KCNC1: variants seen among roughly 807,000 people sequenced by gnomAD.
The protein encoded by KCNC1 is potassium voltage-gated channel subfamily C member 1.
KCNC1 carries 8 observed loss-of-function variants against 43.4 expected under a neutral mutation model. The observed-to-expected ratio is 0.18, with a 90% CI of 0.11 to 0.33. The LOEUF (loss-of-function observed/expected upper bound fraction) is 0.33, where lower values mean the gene tolerates loss of function less well. Ranked by LOEUF, KCNC1 falls within the 10% of genes least tolerant of loss-of-function variation. KCNC1 has a pLI of 1.00. For missense variants in KCNC1, 420 were observed against 836.0 expected (o/e 0.50, Z 6.14); for synonymous variants, 361 against 360.5 (o/e 1.00, Z -0.01).
Position 17,779,743 on chromosome 11 carries a change from C to T in KCNC1, c.1693+99C>T. ...GCGGGCAAGGGCGCTGAGGGGCAGG[C>T]AGGCACACCGAGGGGGGCAAGGATG... On this transcript the variant is annotated intron_variant, in intron 3 of 3. Coordinates refer to ENST00000265969, the MANE Select transcript of KCNC1 (RefSeq NM_001112741.2). This position sits in a 1 kb window ranked among gnomAD's most constrained non-coding sequence, Gnocchi z 7.2. 4 of 987,716 alleles carry T rather than the reference C, an allele frequency of 4.0e-6. No individual in the cohort carries two copies. Among genetic ancestry groups the T allele is most frequent in the Non-Finnish European group, 5.6e-6 (4 of 717,462 alleles). The allele number at this position is 987,716 out of a possible 1,614,324, so 61.2% of individuals were successfully genotyped here.
chr11:17,745,534 G>A (rs1355915598), intron 1 of KCNC1, among the ~76,000 whole-genome samples: 4 of 152,102 alleles, frequency 2.6e-5, no homozygotes, highest in Non-Finnish European at 5.9e-5. Flanking sequence ...AGCCAGGGCC[G>A]GCCTGGCAAA....
chr11:17,768,737 T>C (rs1441419439), intron 1 of KCNC1, among the ~76,000 whole-genome samples: 1 of 151,980 alleles, frequency 6.6e-6, no homozygotes, highest in East Asian at 1.9e-4. Flanking sequence ...TTGGCACCGT[T>C]CGGTCATCCA....
intron 2 of KCNC1, chr11:17,775,515 G>A (rs967822896): frequency 2.4e-5 from 24 of 985,372 alleles, no homozygotes; most frequent in African/African-American, 1.6e-4. Flanking sequence ...CTAGGAGGGC[G>A]CCCTGGCACA....
At position 17,771,783 on chromosome 11, in the gene KCNC1, G is replaced by T; in HGVS notation, c.689G>T (p.Gly230Val). 6.2e-7 allele frequency: 1 copy of T among 1,614,254 alleles called. No individual in the cohort carries two copies. ...ACGGAGATCGAGAACGTTCGCAATG[G>T]CACGCAAGTGCGCTACTACCGGGAG... is the stretch of plus-strand genomic sequence containing the variant. Reference protein sequence around the residue: ...NKTEIENVRNGTQVRYYREAE... With the variant: ...NKTEIENVRNVTQVRYYREAE... Residue 230 changes from glycine to valine, a missense_variant, in exon 2 of 4, where the codon GGC becomes GTC. Coordinates refer to ENST00000265969, the MANE Select transcript of KCNC1 (RefSeq NM_001112741.2). The surrounding 1 kb of genome is among the most constrained non-coding windows in gnomAD (Gnocchi z 4.7).
intron 2 of KCNC1, 62 bp downstream of exon 2, chr11:17,772,660 T>A (rs1012827851): frequency 1.9e-6 from 3 of 1,575,620 alleles, no homozygotes; most frequent in East Asian, 2.2e-5. Flanking sequence ...GTAGCGATGA[T>A]TCCAGATCCA....
At position 17,767,133 on chromosome 11, in the gene KCNC1, A is replaced by T. The variant is rs1423155932; in HGVS notation, c.571-4532A>T. On this transcript the variant is annotated intron_variant, in intron 1 of 3. Transcript: ENST00000265969. ...AGCAACAGAACGAGACTCTGTCTTA[A>T]AAAAAAAAAAAAATTAGCCGGCTGT... Among the ~76,000 whole-genome samples, 6 of 14,586 alleles carry T rather than the reference A, an allele frequency of 4.1e-4. No individual in the cohort carries two copies. The East Asian group carries it at 0.43, about 1,042-fold the overall frequency. 9.6% of individuals were successfully genotyped at this position (14,586 alleles called of 152,430 possible). A position where few individuals can be genotyped will look rare whatever the true frequency, so the allele number is the denominator to read the frequency against.
At chr11:17,741,446 C>T (rs2133779460) in intron 1 of KCNC1, among the ~76,000 whole-genome samples, 1 of 152,168 alleles carries the variant, frequency 6.6e-6, no homozygotes, top group Non-Finnish European at 1.5e-5. Flanking sequence ...ATTATCATTT[C>T]CCCTCCTGTA....
chr11:17,758,470 C>A (rs1849044336), intron 1 of KCNC1, among the ~76,000 whole-genome samples: 1 of 152,210 alleles, frequency 6.6e-6, no homozygotes. Flanking sequence ...ATGGTAAATT[C>A]TTTCCAGAAG....
At position 17,742,139 on chromosome 11, in the gene KCNC1, G is replaced by C. The variant is rs376582813; in HGVS notation, c.570+5567G>C. Reference sequence around the variant, plus strand: ...GCTCTACCTGAGGCCCCTCGTGAGCGGGTTAGCTGAGGGCTGGCTGGGAAA... The same window carrying C: ...GCTCTACCTGAGGCCCCTCGTGAGCCGGTTAGCTGAGGGCTGGCTGGGAAA... On this transcript the variant is annotated intron_variant, in intron 1 of 3. Coordinates refer to ENST00000265969, the MANE Select transcript of KCNC1 (RefSeq NM_001112741.2). The surrounding 1 kb of genome is among the most constrained non-coding windows in gnomAD (Gnocchi z 4.2). Among the ~76,000 whole-genome samples the C allele has an allele frequency of 6.6e-6, 1 of 152,182 alleles. No homozygotes were observed. The highest frequency in any genetic ancestry group is 1.5e-5 in the Non-Finnish European group (1 of 68,038).
Position 17,765,632 on chromosome 11 carries a change from G to A in KCNC1, c.571-6033G>A, listed in dbSNP as rs559115966. ...CGGTTTGTGATTTGGTTTGGGGGGA[G>A]AAAAAGGCCAGAAACTACCAGTTTG... On this transcript the variant is annotated intron_variant, in intron 1 of 3. Transcript: ENST00000265969. 9.0e-3 allele frequency among the ~76,000 whole-genome samples: 1,374 copies of A among 152,286 alleles called. 13 individuals are homozygous for A. Among genetic ancestry groups the A allele is most frequent in the African/African-American group, 9.5e-3 (395 of 41,556 alleles).
rs1849249563 is a variant in KCNC1 at position 17,773,110 on chromosome 11, A to C, written c.1504+512A>C. 1.0e-6 allele frequency: 1 copy of C among 991,848 alleles called. No homozygotes were observed. The highest frequency in any genetic ancestry group is 1.2e-6 in the Non-Finnish European group (1 of 834,168). 61.4% of individuals were successfully genotyped at this position (991,848 alleles called of 1,614,324 possible). ...GAGGGTCCCTTGCAAAGGCAGGTGC[A>C]AGGGTTCTCACCCCCGGCAGAGCCT... On this transcript the variant is annotated intron_variant, in intron 2 of 3. Transcript: ENST00000265969. The surrounding 1 kb of genome is among the most constrained non-coding windows in gnomAD (Gnocchi z 4.1).
chr11:17,753,222 G>A (rs1044645829), intron 1 of KCNC1, among the ~76,000 whole-genome samples: 4 of 152,370 alleles, frequency 2.6e-5, no homozygotes, highest in African/African-American at 9.6e-5. Flanking sequence ...GCAGCAAGGA[G>A]CAGGCATTGT....
rs573610082 is a variant in KCNC1, at chr11:17,771,578, C to G, written c.571-87C>G. 384 of 1,179,506 alleles carry G rather than the reference C, an allele frequency of 3.3e-4. 2 individuals carry two copies. The African/African-American group carries it at 5.2e-3, about 16-fold the overall frequency. 73.1% of individuals were successfully genotyped at this position (1,179,506 alleles called of 1,614,324 possible). On this transcript the variant is annotated intron_variant, in intron 1 of 3. Transcript: ENST00000265969. This position sits in a 1 kb window ranked among gnomAD's most constrained non-coding sequence, Gnocchi z 4.7. ...GGGGCCTGGTGCTGGCATCTCCCCC[C>G]GCCTGGCCCTGGGACTGGACAGAGG...
intron 1 of KCNC1, chr11:17,765,740 G>A (rs901874598): frequency 1.3e-5 from 2 of 152,282 alleles, no homozygotes; most frequent in Non-Finnish European, 2.9e-5. Flanking sequence ...CAGCCTGGGT[G>A]ACAGTTGCCT....
chr11:17,746,823 C>T (rs1338375195), intron 1 of KCNC1, among the ~76,000 whole-genome samples: 1 of 152,098 alleles, frequency 6.6e-6, no homozygotes, highest in Non-Finnish European at 1.5e-5. Flanking sequence ...GGCCTTCGAT[C>T]GAATCCCAGC....
chr11:17,776,308 T>C lies in KCNC1; in HGVS notation c.1505-3148T>C, dbSNP rs559821051. The C allele has an allele frequency of 1.0e-5, 10 of 985,278 alleles. No individual in the cohort carries two copies. The highest frequency in any genetic ancestry group is 1.2e-5 in the Non-Finnish European group (10 of 829,912). The allele number at this position is 985,278 out of a possible 1,614,324, so 61.0% of individuals were successfully genotyped here. A position where few individuals can be genotyped will look rare whatever the true frequency, so the allele number is the denominator to read the frequency against. On this transcript the variant is annotated intron_variant, in intron 2 of 3. Transcript: ENST00000265969. The surrounding 1 kb of genome is among the most constrained non-coding windows in gnomAD (Gnocchi z 4.4). Reference sequence around the variant, plus strand: ...TCTCACAGACTGTCCCCATTTAGCCTGAGACTTTTTTCCTGAGTCCCCAGC... The same window carrying C: ...TCTCACAGACTGTCCCCATTTAGCCCGAGACTTTTTTCCTGAGTCCCCAGC...
chr11:17,741,930 C>T (rs929526429), intron 1 of KCNC1, among the ~76,000 whole-genome samples: 2 of 152,216 alleles, frequency 1.3e-5, no homozygotes, highest in Non-Finnish European at 2.9e-5. Context: ...GGCCCCTAGG[C>T]TGGGTTGGAG....
Position 17,777,332 on chromosome 11 carries a change from T to C in KCNC1, c.1505-2124T>C. 1.0e-6 allele frequency: 1 copy of C among 985,496 alleles called. No individual in the cohort carries two copies. The highest frequency in any genetic ancestry group is 1.2e-6 in the Non-Finnish European group (1 of 829,888). The allele number at this position is 985,496 out of a possible 1,614,324, so 61.0% of individuals were successfully genotyped here. A position where few individuals can be genotyped will look rare whatever the true frequency, so the allele number is the denominator to read the frequency against. ...CTGGCAGAGGATGGCCAACAGAGAC[T>C]CAGCAAGTCCTCACTCCCCTCCCAG... is the stretch of plus-strand genomic sequence containing the variant. On this transcript the variant is annotated intron_variant, in intron 2 of 3. Coordinates refer to ENST00000265969, the MANE Select transcript of KCNC1 (RefSeq NM_001112741.2). This position sits in a 1 kb window ranked among gnomAD's most constrained non-coding sequence, Gnocchi z 4.3.
Position 17,773,363 on chromosome 11 carries a change from C to T in KCNC1, c.1504+765C>T. The T allele has an allele frequency of 4.1e-6, 4 of 985,412 alleles. No homozygotes were observed. The highest frequency in any genetic ancestry group is 4.8e-6 in the Non-Finnish European group (4 of 829,970). 61.0% of individuals were successfully genotyped at this position (985,412 alleles called of 1,614,324 possible). ...TGGGTTGATGGTCGAGTGGGAGTTT[C>T]CGGTGACCCGATGGAAGCGGCTGCC... On this transcript the variant is annotated intron_variant, in intron 2 of 3. Transcript: ENST00000265969. The surrounding 1 kb of genome is among the most constrained non-coding windows in gnomAD (Gnocchi z 4.1).
Sources: allele counts gnomAD v4.1 joint callset (sites outside exome capture counted in the v4.1 genomes callset), GRCh38; gene constraint gnomAD v4.1.1; non-coding constraint Gnocchi (gnomAD v3.1); transcripts MANE v1.5; gene names NCBI Gene and HGNC (gene_info 2026-07-23, HGNC 2026-07-21).